The following RBFOX3 variants were observed in gnomAD, a reference collection of about 807,000 sequenced individuals.
RBFOX3 encodes the protein RNA binding protein fox-1 homolog 3.
In RBFOX3, 17 loss-of-function variants were observed where a neutral mutation model predicts 48.7. The observed-to-expected ratio is 0.35, with a 90% CI of 0.24 to 0.52. RBFOX3 has a LOEUF of 0.52. Among genes scored for constraint, RBFOX3 ranks in the 20% least tolerant of loss-of-function variants. The pLI is 0.94. For synonymous variants in RBFOX3, 212 were observed against 209.5 expected, an observed-to-expected ratio of 1.01 and a Z score of -0.10; for missense variants, 382 against 497.5, an observed-to-expected ratio of 0.77 and a Z score of 2.21.
intron 2 of RBFOX3, among the ~76,000 whole-genome samples, chr17:79,452,517 C>A (rs943694971): frequency 4.6e-5 from 7 of 152,306 alleles, no homozygotes; most frequent in Middle Eastern, 3.4e-3. Flanking sequence ...GGGAGACCGT[C>A]CCCTGCCCTC....
chr17:79,530,303 T>C (rs1477339753), intron 1 of RBFOX3, among the ~76,000 whole-genome samples: 1 of 152,164 alleles, frequency 6.6e-6, no homozygotes, highest in African/African-American at 2.4e-5. Context: ...GTTGTCATGC[T>C]GTGGCAGAAT....
chr17:79,611,090 C>CCT (rs1215305331), upstream of RBFOX3, among the ~76,000 whole-genome samples: 10 of 142,746 alleles, frequency 7.0e-5, no homozygotes, highest in Admixed American at 3.5e-4. Context: ...TCCCTCGCCT[C>CCT]CTCTCTCTCT....
chr17:79,238,091 C>T (rs1270951055), intron 3 of RBFOX3, among the ~76,000 whole-genome samples: 1 of 152,150 alleles, frequency 6.6e-6, no homozygotes, highest in Non-Finnish European at 1.5e-5. Flanking sequence ...CATGTGCCAC[C>T]ACACCTGGCT....
intron 2 of RBFOX3, among the ~76,000 whole-genome samples, chr17:79,334,844 G>A (rs2080946381): frequency 6.6e-6 from 1 of 152,242 alleles, no homozygotes. Flanking sequence ...CCTGTTGCCT[G>A]TGCCTGGCAC....
At chr17:79,358,939 GC>G (rs776414103) in intron 2 of RBFOX3, among the ~76,000 whole-genome samples, 12 of 152,278 alleles carry the variant, frequency 7.9e-5, no homozygotes, top group Non-Finnish European at 1.3e-4. Context: ...TTTCCCAAGT[GC>G]CCCCAGAGGG....
chr17:79,389,603 G>A (rs561927205), intron 2 of RBFOX3, among the ~76,000 whole-genome samples: 1 of 152,174 alleles, frequency 6.6e-6, no homozygotes, highest in African/African-American at 2.4e-5. Context: ...ACTCAGGTAA[G>A]GGCAGCCTTA....
intron 4 of RBFOX3, among the ~76,000 whole-genome samples, chr17:79,183,997 G>T (rs938891679): frequency 6.6e-6 from 1 of 152,224 alleles, no homozygotes; most frequent in East Asian, 1.9e-4. Flanking sequence ...CTGCGGAGAG[G>T]AGGAGCCGCT....
At chr17:79,277,068 T>C (rs1293891133) in intron 3 of RBFOX3, among the ~76,000 whole-genome samples, 1 of 152,218 alleles carries the variant, frequency 6.6e-6, no homozygotes, top group Non-Finnish European at 1.5e-5. Flanking sequence ...CACTTTTGCC[T>C]GGAAGGTCGG....
intron 2 of RBFOX3, among the ~76,000 whole-genome samples, chr17:79,426,006 G>A (rs551750948): frequency 6.6e-6 from 1 of 152,130 alleles, no homozygotes; most frequent in East Asian, 1.9e-4. Flanking sequence ...ATCACGGAGA[G>A]TGTGGAGGGG....
At chr17:79,298,126 T>A (rs913919860) in intron 3 of RBFOX3, 1 of 152,240 alleles carries the variant, frequency 6.6e-6, no homozygotes, top group African/African-American at 2.4e-5. Context: ...GGAGATGTCT[T>A]CTGGAAGTCA....
chr17:79,173,253 G>C (rs925942126), intron 4 of RBFOX3, among the ~76,000 whole-genome samples: 2 of 121,364 alleles, frequency 1.6e-5, no homozygotes, highest in Admixed American at 1.6e-4. Flanking sequence ...CATACTACTA[G>C]AAAATGTAAA....
At chr17:79,429,564 GCTGCCT>G (rs1314644531) in intron 2 of RBFOX3, among the ~76,000 whole-genome samples, 4 of 152,150 alleles carry the variant, frequency 2.6e-5, no homozygotes, top group African/African-American at 4.8e-5. Context: ...TGTGGTGCCA[GCTGCCT>G]GCAGCTGCCG....
chr17:79,430,950 T>C (rs782122622), intron 2 of RBFOX3, among the ~76,000 whole-genome samples: 12 of 152,196 alleles, frequency 7.9e-5, no homozygotes, highest in African/African-American at 1.2e-4. Flanking sequence ...GTTTGCTGCC[T>C]GTGGACATCA....
intron 5 of RBFOX3, among the ~76,000 whole-genome samples, chr17:79,108,286 C>T (rs191060538): frequency 2.3e-4 from 35 of 152,294 alleles, no homozygotes; most frequent in Middle Eastern, 3.4e-3. Context: ...ACACGGCAGC[C>T]GGTACAAATG....
At chr17:79,626,114 G>A in the RBFOX3 span, among the ~76,000 whole-genome samples, 1 of 152,110 alleles carries the variant, frequency 6.6e-6, no homozygotes, top group Non-Finnish European at 1.5e-5. Flanking sequence ...TTTTCTCATA[G>A]TTTACATGAC....
the RBFOX3 span, among the ~76,000 whole-genome samples, chr17:79,618,792 T>A: frequency 3.2e-3 from 493 of 152,296 alleles, 3 homozygotes; most frequent in African/African-American, 0.012. Flanking sequence ...TGAATGTTAA[T>A]GAAGTCTTTC....
rs1323868844 is a variant in RBFOX3, at chr17:79,242,483, C to T, written c.-73-6678G>A. ...GGTGATCAGAGCAGGAGAGCCACAT[C>T]TATTTAATGTGATGTTTTCCTCCTT... On this transcript the variant is annotated intron_variant, in intron 3 of 14. Transcript: ENST00000693108. This position sits in a 1 kb window ranked among gnomAD's most constrained non-coding sequence, Gnocchi z 5.8. Among the ~76,000 whole-genome samples the T allele has an allele frequency of 3.3e-5, 5 of 151,450 alleles. No homozygotes were observed. The highest frequency in any genetic ancestry group is 7.4e-5 in the Non-Finnish European group (5 of 67,934).
chr17:79,199,766 C>T lies in RBFOX3; in HGVS notation c.-34+36000G>A, dbSNP rs536395830. Among the ~76,000 whole-genome samples the T allele has an allele frequency of 3.9e-5, 6 of 152,254 alleles. No homozygotes were observed. Among genetic ancestry groups the T allele is most frequent in the South Asian group, 2.1e-4 (1 of 4,822 alleles). ...CTGCTGCTGTAGGATTTCTGAAGCA[C>T]GCTGAACAAACCCACCCTGATGCTC... is the stretch of plus-strand genomic sequence containing the variant. On this transcript the variant is annotated intron_variant, in intron 4 of 14. Coordinates refer to ENST00000693108, the MANE Select transcript of RBFOX3 (RefSeq NM_001350451.2). This position sits in a 1 kb window ranked among gnomAD's most constrained non-coding sequence, Gnocchi z 5.1.
Position 79,120,274 on chromosome 17 carries a change from G to A in RBFOX3, c.-33-4526C>T, listed in dbSNP as rs143999330. Among the ~76,000 whole-genome samples the A allele has an allele frequency of 1.8e-3, 273 of 152,272 alleles. 2 individuals are homozygous for A. Among genetic ancestry groups the A allele is most frequent in the Admixed American group, 0.015 (228 of 15,300 alleles). On this transcript the variant is annotated intron_variant, in intron 4 of 14. Coordinates refer to ENST00000693108, the MANE Select transcript of RBFOX3 (RefSeq NM_001350451.2). The stretch of plus-strand genomic sequence containing the variant: ...CTGTTCTACTCAGAAGAGTCTCAGC[G>A]TACAAGAACGGGTGGATGTACGTAC...
Sources: allele counts gnomAD v4.1 joint callset (sites outside exome capture counted in the v4.1 genomes callset), GRCh38; gene constraint gnomAD v4.1.1; non-coding constraint Gnocchi (gnomAD v3.1); transcripts MANE v1.5; gene names NCBI Gene and HGNC (gene_info 2026-07-23, HGNC 2026-07-21).